The following PACRG variants were observed in gnomAD, a reference collection of about 807,000 sequenced individuals.
PACRG encodes the protein parkin coregulated, also known as parkin coregulated gene protein.
A neutral mutation model predicts 29.7 loss-of-function variants in PACRG; 29 were observed. The ratio of observed to expected loss-of-function variants is 0.98; its 90% CI spans 0.73 to 1.33. The LOEUF (loss-of-function observed/expected upper bound fraction) is 1.33. PACRG is among the 40% of genes most tolerant of loss of function. PACRG has a pLI of 0.00. For missense variants in PACRG, 279 were observed against 316.2 expected, an observed-to-expected ratio of 0.88 and a Z score of 0.89; for synonymous variants, 116 against 118.7, an observed-to-expected ratio of 0.98 and a Z score of 0.15.
In PACRG at chr6:162,808,276, A is replaced by G. The variant is rs867159388; in HGVS notation, c.157-5871A>G. On this transcript the variant is annotated intron_variant, in intron 1 of 4. Coordinates refer to ENST00000366888, the MANE Select transcript of PACRG (RefSeq NM_001080379.2). Reference sequence around the variant, plus strand: ...AACAGGTCTTGCCCACCCGTTTATAACAATGGCGTTTTCATGAATCAGAAT... The same window carrying G: ...AACAGGTCTTGCCCACCCGTTTATAGCAATGGCGTTTTCATGAATCAGAAT... Among the ~76,000 whole-genome samples, 58 of 152,294 alleles carry G rather than the reference A, an allele frequency of 3.8e-4. 1 individual carries two copies. Among genetic ancestry groups the G allele is most frequent in the African/African-American group, 1.4e-3 (57 of 41,564 alleles).
At chr6:162,845,974 A>G (rs1042174048) in intron 2 of PACRG, among the ~76,000 whole-genome samples, 1 of 152,160 alleles carries the variant, frequency 6.6e-6, no homozygotes, top group Non-Finnish European at 1.5e-5. Flanking sequence ...AAGATTAAAC[A>G]TGCAGGAAAA....
At chr6:163,053,748 T>C (rs1810267043) in intron 2 of PACRG, among the ~76,000 whole-genome samples, 1 of 152,194 alleles carries the variant, frequency 6.6e-6, no homozygotes, top group South Asian at 2.1e-4. Context: ...CTCCTTCACC[T>C]ACAGAGTCAG....
chr6:163,050,219 C>G (rs1490395090), intron 2 of PACRG, among the ~76,000 whole-genome samples: 4 of 151,906 alleles, frequency 2.6e-5, no homozygotes, highest in African/African-American at 9.7e-5. Context: ...TTTTCATTCC[C>G]TCTTCTCTAT....
At chr6:163,016,117 C>T (rs906084441) in intron 2 of PACRG, 1 of 152,152 alleles carries the variant, frequency 6.6e-6, no homozygotes, top group Non-Finnish European at 1.5e-5. Context: ...GGAGACAAGA[C>T]GAGGTGTTCT....
intron 2 of PACRG, among the ~76,000 whole-genome samples, chr6:163,039,047 C>T (rs1275486986): frequency 6.6e-6 from 1 of 152,112 alleles, no homozygotes; most frequent in Non-Finnish European, 1.5e-5. Flanking sequence ...CCCTGTGTGT[C>T]GAGGGAGGGA....
At chr6:162,823,349 T>G (rs1787997829) in intron 2 of PACRG, among the ~76,000 whole-genome samples, 1 of 152,200 alleles carries the variant, frequency 6.6e-6, no homozygotes, top group Non-Finnish European at 1.5e-5. Context: ...TCTTTTGTAA[T>G]ATTACTTATT....
chr6:163,007,756 G>A (rs919958007), intron 2 of PACRG, among the ~76,000 whole-genome samples: 2 of 152,150 alleles, frequency 1.3e-5, no homozygotes, highest in Non-Finnish European at 2.9e-5. Context: ...TAATCAGGTC[G>A]CTCTTGCTCC....
chr6:163,127,513 T>A (rs1380207285), intron 4 of PACRG, among the ~76,000 whole-genome samples: 1 of 152,236 alleles, frequency 6.6e-6, no homozygotes, highest in African/African-American at 2.4e-5. Context: ...CGCACAAGTG[T>A]GTCCTTCACA....
At chr6:162,802,165 T>G (rs1388066145) in intron 1 of PACRG, among the ~76,000 whole-genome samples, 1 of 152,206 alleles carries the variant, frequency 6.6e-6, no homozygotes, top group African/African-American at 2.4e-5. Context: ...TCTCTTCTCC[T>G]AATAATATAT....
intron 3 of PACRG, among the ~76,000 whole-genome samples, chr6:163,073,733 C>T (rs1281053516): frequency 2.0e-5 from 3 of 152,080 alleles, no homozygotes; most frequent in Non-Finnish European, 4.4e-5. Flanking sequence ...AACAACTATA[C>T]GAATAAAATC....
chr6:163,095,423 CT>C (rs1814483977), intron 4 of PACRG: 1 of 985,024 alleles, frequency 1.0e-6, no homozygotes, highest in Admixed American at 6.2e-5. Flanking sequence ...CAGAATCCAG[CT>C]CTGAAGGCTG....
At chr6:162,812,430 T>G (rs1378556586) in intron 1 of PACRG, among the ~76,000 whole-genome samples, 1 of 152,072 alleles carries the variant, frequency 6.6e-6, no homozygotes, top group Non-Finnish European at 1.5e-5. Flanking sequence ...TGCACATAAT[T>G]TACTATAAAT....
At chr6:163,207,941 T>C (rs976630206) in intron 4 of PACRG, among the ~76,000 whole-genome samples, 1 of 152,212 alleles carries the variant, frequency 6.6e-6, no homozygotes, top group African/African-American at 2.4e-5. Context: ...GGATACCATA[T>C]GGATGTCGCT....
intron 4 of PACRG, among the ~76,000 whole-genome samples, chr6:163,123,088 A>G (rs1471435270): frequency 6.6e-6 from 1 of 152,216 alleles, no homozygotes; most frequent in African/African-American, 2.4e-5. Context: ...CTGGGCTCCT[A>G]ACGGAGAAAA....
rs371048032 is a variant in PACRG at position 163,164,705 on chromosome 6, C to T, written c.613+75297C>T. Among the ~76,000 whole-genome samples, 10 of 152,286 alleles carry T rather than the reference C, an allele frequency of 6.6e-5. No homozygotes were observed. The East Asian group carries it at 1.9e-3, about 29-fold the overall frequency. The stretch of plus-strand genomic sequence containing the variant: ...CTGGCCCGTTTTTGGGGCCTTAGTT[C>T]AAGCTGGGCCCCCATCACACTTGAA... On this transcript the variant is annotated intron_variant, in intron 4 of 4. Coordinates refer to ENST00000366888, the MANE Select transcript of PACRG (RefSeq NM_001080379.2).
In PACRG at chr6:163,004,701, AGTGTGTGTGTGT is replaced by A. The variant is rs374627693; in HGVS notation, c.292-57434_292-57423del. The stretch of plus-strand genomic sequence containing the variant: ...CCATATCAAATGTATACAAAGTTCT[AGTGTGTGTGTGT>A]GTGTGTGTGTGTGTATATATATATA... On this transcript the variant is annotated intron_variant, in intron 2 of 4. Transcript: ENST00000366888. Among the ~76,000 whole-genome samples, 370 of 131,506 alleles carry A rather than the reference AGTGTGTGTGTGT, an allele frequency of 2.8e-3. 2 individuals are homozygous for A. Among genetic ancestry groups the A allele is most frequent in the Non-Finnish European group, 4.2e-3 (274 of 65,214 alleles). 86.3% of individuals were successfully genotyped at this position (131,506 alleles called of 152,430 possible).
chr6:162,917,040 A>G (rs1397319327), intron 2 of PACRG, among the ~76,000 whole-genome samples: 3 of 152,138 alleles, frequency 2.0e-5, no homozygotes, highest in African/African-American at 7.2e-5. Context: ...TCCCTAGAGT[A>G]TGTTAATTTT....
intron 1 of PACRG, among the ~76,000 whole-genome samples, chr6:162,732,696 A>G (rs1199026008): frequency 6.6e-6 from 1 of 152,182 alleles, no homozygotes; most frequent in African/African-American, 2.4e-5. Flanking sequence ...GGGTGCCCTC[A>G]TCACCTTTTG....
At chr6:162,875,407 A>G (rs568471457) in intron 2 of PACRG, among the ~76,000 whole-genome samples, 81 of 152,190 alleles carry the variant, frequency 5.3e-4, no homozygotes, top group African/African-American at 1.8e-3. Flanking sequence ...TCACACACAG[A>G]CATTCCCACA....
Sources: gnomAD v4.1 joint callset for allele counts (sites outside exome capture counted in the v4.1 genomes callset) on GRCh38, gnomAD v4.1.1 for gene constraint, MANE v1.5 for transcripts, NCBI Gene and HGNC (gene_info 2026-07-23, HGNC 2026-07-21) for gene names.